Variants in CDYL2 observed in about 807,000 individuals in gnomAD.
CDYL2 encodes the protein chromodomain Y like 2.
In CDYL2, 23 loss-of-function variants were observed where a neutral mutation model predicts 49.4. The observed-to-expected ratio is 0.47, with a 90% confidence interval of 0.34 to 0.66. CDYL2 has a LOEUF of 0.66. Among genes scored for constraint, CDYL2 ranks in the 30% least tolerant of loss-of-function variants. CDYL2 has a pLI of 0.01. For synonymous variants in CDYL2, 360 were observed against 268.8 expected, an observed-to-expected ratio of 1.34 and a Z score of -3.32; for missense variants, 678 against 656.4, an observed-to-expected ratio of 1.03 and a Z score of -0.36.
rs1906225274 is a variant in CDYL2 at position 80,604,189 on chromosome 16, G to C, written c.*199C>G. ...TGGCCAGGAAGGGCAGGGAGGTGGG[G>C]GAGGCCAAGTATGCTGCGTTTTCCA... On this transcript the variant is annotated 3_prime_UTR_variant, in exon 7 of 7. Coordinates refer to ENST00000570137, the MANE Select transcript of CDYL2 (RefSeq NM_152342.4). 1.6e-6 allele frequency: 1 copy of C among 615,318 alleles called. No homozygotes were observed. Among genetic ancestry groups the C allele is most frequent in the Non-Finnish European group, 2.8e-6 (1 of 353,002 alleles). 38.1% of individuals were successfully genotyped at this position (615,318 alleles called of 1,614,324 possible).
chr16:80,732,130 G>A (rs975713849), intron 1 of CDYL2, among the ~76,000 whole-genome samples: 1 of 152,108 alleles, frequency 6.6e-6, no homozygotes, highest in South Asian at 2.1e-4. Flanking sequence ...TTTTATTGAC[G>A]AAATCCATAA....
intron 1 of CDYL2, chr16:80,734,963 A>T (rs763114141): frequency 1.3e-5 from 2 of 152,222 alleles, no homozygotes; most frequent in African/African-American, 4.8e-5. Flanking sequence ...ATCCCTGAGC[A>T]CTGAGTTTCC....
At chr16:80,752,132 AC>A (rs145243315) in intron 1 of CDYL2, among the ~76,000 whole-genome samples, 41,650 of 152,116 alleles carry the variant, frequency 0.27, 6,877 homozygotes, top group Middle Eastern at 0.47. Flanking sequence ...AACCAAAAAA[AC>A]ATAGTAACTG....
In CDYL2 at chr16:80,620,768, G is replaced by A. The variant is rs772478772; in HGVS notation, c.1002C>T (p.Ala334=). 1 of 1,601,248 alleles carries A rather than the reference G, an allele frequency of 6.2e-7. No individual in the cohort carries two copies. The highest frequency in any genetic ancestry group is 8.5e-7 in the Non-Finnish European group (1 of 1,171,028). The change falls in exon 4 of 7, where the codon GCC becomes GCT. Residue 334 remains alanine, a synonymous_variant. Coordinates refer to ENST00000570137, the MANE Select transcript of CDYL2 (RefSeq NM_152342.4). ...TGAAAAGGAGCACAGCTCACCTGATGGCTTCTGCAATCCGAGTGCTCTCCT... is the reference window on the plus strand; with the variant it reads ...TGAAAAGGAGCACAGCTCACCTGATAGCTTCTGCAATCCGAGTGCTCTCCT... ...RRKESTRIAE[A]IRDFVKAFIQ...
intron 1 of CDYL2, among the ~76,000 whole-genome samples, chr16:80,782,546 A>C (rs1405660076): frequency 6.6e-6 from 1 of 150,886 alleles, no homozygotes; most frequent in Non-Finnish European, 1.5e-5. Flanking sequence ...AAAAAAAAAA[A>C]AAAAAACTAC....
At chr16:80,775,314 C>G (rs1256424165) in intron 1 of CDYL2, among the ~76,000 whole-genome samples, 1 of 151,444 alleles carries the variant, frequency 6.6e-6, no homozygotes, top group Admixed American at 6.6e-5. Context: ...AGATAAAATG[C>G]TTAAGGAAGT....
chr16:80,655,319 A>G (rs1221598827), intron 2 of CDYL2, among the ~76,000 whole-genome samples: 1 of 152,168 alleles, frequency 6.6e-6, no homozygotes, highest in Non-Finnish European at 1.5e-5. Flanking sequence ...AAATCTAGTT[A>G]CTTGCCACCT....
intron 1 of CDYL2, among the ~76,000 whole-genome samples, chr16:80,765,750 A>AG (rs1200019780): frequency 9.7e-5 from 14 of 143,778 alleles, no homozygotes; most frequent in Non-Finnish European, 2.0e-4. Flanking sequence ...AAAAAAAAAA[A>AG]AGGGAATGGG....
At chr16:80,766,018 C>T (rs898490702) in intron 1 of CDYL2, among the ~76,000 whole-genome samples, 5 of 151,652 alleles carry the variant, frequency 3.3e-5, no homozygotes, top group Admixed American at 6.6e-5. Flanking sequence ...CATGAAACAT[C>T]CAGAATACAC....
At chr16:80,682,408 C>G (rs1910002628) in intron 2 of CDYL2, among the ~76,000 whole-genome samples, 1 of 152,178 alleles carries the variant, frequency 6.6e-6, no homozygotes, top group South Asian at 2.1e-4. Flanking sequence ...TGTGGGGTAC[C>G]ATGCCTTATC....
At chr16:80,667,425 C>T (rs527992368) in intron 2 of CDYL2, among the ~76,000 whole-genome samples, 2 of 152,142 alleles carry the variant, frequency 1.3e-5, no homozygotes, top group Non-Finnish European at 2.9e-5. Flanking sequence ...TGCCTTTTTC[C>T]TCAGTCATTT....
At chr16:80,727,022 G>T (rs939346549) in intron 1 of CDYL2, among the ~76,000 whole-genome samples, 5 of 152,200 alleles carry the variant, frequency 3.3e-5, no homozygotes, top group African/African-American at 9.7e-5. Flanking sequence ...GGTGGTAGAG[G>T]CTGCAGTGAG....
At chr16:80,682,516 G>A (rs1031968987) in intron 2 of CDYL2, among the ~76,000 whole-genome samples, 7 of 152,182 alleles carry the variant, frequency 4.6e-5, no homozygotes, top group Non-Finnish European at 1.0e-4. Flanking sequence ...AGCACAAGAG[G>A]CACACCCTCA....
intron 1 of CDYL2, among the ~76,000 whole-genome samples, chr16:80,705,206 G>C (rs1201535656): frequency 2.6e-5 from 4 of 152,332 alleles, no homozygotes; most frequent in African/African-American, 9.6e-5. Flanking sequence ...TCCTCTAGCA[G>C]GATGGCTGCT....
chr16:80,666,535 AAAGGG>A (rs554744530), intron 2 of CDYL2, among the ~76,000 whole-genome samples: 208 of 152,304 alleles, frequency 1.4e-3, no homozygotes, highest in Non-Finnish European at 2.4e-3. Flanking sequence ...TCGTGAATAT[AAAGGG>A]AAGAGGAACA....
chr16:80,727,425 C>T (rs557584162), intron 1 of CDYL2, among the ~76,000 whole-genome samples: 6 of 152,336 alleles, frequency 3.9e-5, no homozygotes, highest in South Asian at 2.1e-4. Context: ...GATTATATCC[C>T]GCACATGGCT....
intron 1 of CDYL2, among the ~76,000 whole-genome samples, chr16:80,772,274 G>A (rs752144756): frequency 3.3e-5 from 5 of 152,120 alleles, no homozygotes; most frequent in African/African-American, 9.7e-5. Context: ...CATGGAGAGG[G>A]AAGTAAAGAC....
chr16:80,656,885 C>A (rs1292478865), intron 2 of CDYL2, among the ~76,000 whole-genome samples: 2 of 152,102 alleles, frequency 1.3e-5, no homozygotes, highest in Non-Finnish European at 2.9e-5. Flanking sequence ...GGAGGGGGAG[C>A]CCAGGCTTAG....
At chr16:80,675,236 C>A (rs949354057) in intron 2 of CDYL2, among the ~76,000 whole-genome samples, 1 of 152,220 alleles carries the variant, frequency 6.6e-6, no homozygotes, top group East Asian at 1.9e-4. Flanking sequence ...AGACCCCCAA[C>A]AGCTTCAGCA....
Sources: gnomAD v4.1 joint callset for allele counts (sites outside exome capture counted in the v4.1 genomes callset) on GRCh38, gnomAD v4.1.1 for gene constraint, MANE v1.5 for transcripts, NCBI Gene and HGNC (gene_info 2026-07-23, HGNC 2026-07-21) for gene names.